The following STXBP6 variants were observed in gnomAD, a reference collection of about 807,000 sequenced individuals.
STXBP6 encodes syntaxin binding protein 6, also known as syntaxin-binding protein 6.
A neutral mutation model predicts 26.9 loss-of-function variants in STXBP6; 21 were observed. That is an observed-to-expected ratio of 0.78 (90% CI 0.55 to 1.12). STXBP6 has a LOEUF of 1.12. Ranked by LOEUF, STXBP6 falls within the 50% of genes most tolerant of loss-of-function variation. The pLI is 0.00. For missense variants in STXBP6, 232 were observed against 257.9 expected, an observed-to-expected ratio of 0.90 and a Z score of 0.69; for synonymous variants, 97 against 92.6, an observed-to-expected ratio of 1.05 and a Z score of -0.27.
At chr14:24,864,088 T>C (rs1239249147) in intron 2 of STXBP6, among the ~76,000 whole-genome samples, 2 of 152,120 alleles carry the variant, frequency 1.3e-5, no homozygotes, top group East Asian at 3.9e-4. Context: ...CAAAGTCTTA[T>C]TCTGTTCTTA....
rs577752762 is a variant in STXBP6, at chr14:25,006,524, T to C, written c.-32-31674A>G. On this transcript the variant is annotated intron_variant, in intron 1 of 5. Transcript: ENST00000323944. ...TCACATAAACATGGTTGATGCTTTA[T>C]TTGTGAAGGAAAGGGAAGAATCTGA... Among the ~76,000 whole-genome samples, 8 of 152,318 alleles carry C rather than the reference T, an allele frequency of 5.3e-5. No individual in the cohort carries two copies. In the South Asian group the frequency reaches 1.7e-3, roughly 32 times the overall value.
chr14:24,882,132 C>A (rs1279734370), intron 2 of STXBP6, among the ~76,000 whole-genome samples: 4 of 151,902 alleles, frequency 2.6e-5, no homozygotes, highest in Non-Finnish European at 4.4e-5. Flanking sequence ...GTAATCCCAG[C>A]ACTTTGGGAG....
intron 4 of STXBP6, among the ~76,000 whole-genome samples, chr14:24,840,087 G>A (rs1340121542): frequency 6.6e-6 from 1 of 152,190 alleles, no homozygotes; most frequent in Non-Finnish European, 1.5e-5. Flanking sequence ...CTGTATGGGA[G>A]AACTACTACT....
chr14:24,820,265 A>G (rs2068099124), intron 4 of STXBP6, among the ~76,000 whole-genome samples: 2 of 152,168 alleles, frequency 1.3e-5, no homozygotes, highest in Admixed American at 6.5e-5. Context: ...TTTAATAGAA[A>G]CGCAATTTCC....
chr14:25,023,644 T>C (rs896084008), intron 1 of STXBP6, among the ~76,000 whole-genome samples: 7 of 151,604 alleles, frequency 4.6e-5, no homozygotes, highest in Non-Finnish European at 5.9e-5. Context: ...CCCCGTTTCT[T>C]AAAAGAAAAA....
At chr14:24,981,313 C>G (rs976972401) in intron 1 of STXBP6, among the ~76,000 whole-genome samples, 7 of 151,984 alleles carry the variant, frequency 4.6e-5, no homozygotes, top group African/African-American at 1.4e-4. Flanking sequence ...CACTGTTGCC[C>G]AGGCTGGGGT....
At chr14:24,946,120 T>G (rs959599809) in intron 2 of STXBP6, among the ~76,000 whole-genome samples, 15 of 152,236 alleles carry the variant, frequency 9.9e-5, no homozygotes, top group Non-Finnish European at 1.3e-4. Context: ...TCAACAAGTC[T>G]TTGAGTCTAC....
At chr14:25,031,670 G>A (rs2075457504) in intron 1 of STXBP6, among the ~76,000 whole-genome samples, 1 of 151,478 alleles carries the variant, frequency 6.6e-6, no homozygotes, top group African/African-American at 2.4e-5. Flanking sequence ...ATAAAAATGA[G>A]TGGTAATAAA....
intron 2 of STXBP6, among the ~76,000 whole-genome samples, chr14:24,963,848 TTCTTATTGGTAATTGGTCCAA>T (rs1178845770): frequency 6.6e-6 from 1 of 152,096 alleles, no homozygotes; most frequent in East Asian, 1.9e-4. Context: ...AATGTGCATT[TTCTTATTGGTAATTGGTCCAA>T]TAGGTAGAAT....
At chr14:24,826,033 T>C (rs1252299304) in intron 4 of STXBP6, among the ~76,000 whole-genome samples, 2 of 152,220 alleles carry the variant, frequency 1.3e-5, no homozygotes, top group Non-Finnish European at 1.5e-5. Flanking sequence ...GATTTTGTTC[T>C]GTCTTGGGTT....
intron 1 of STXBP6, among the ~76,000 whole-genome samples, chr14:25,026,005 C>T (rs577019697): frequency 2.6e-5 from 4 of 152,294 alleles, no homozygotes; most frequent in South Asian, 2.1e-4. Context: ...CATTGTCTTC[C>T]GTGTATCTTT....
intron 2 of STXBP6, among the ~76,000 whole-genome samples, chr14:24,917,193 T>G (rs1229852911): frequency 6.6e-6 from 1 of 152,048 alleles, no homozygotes; most frequent in East Asian, 1.9e-4. Context: ...ATACCTAATG[T>G]TAACAACTCG....
chr14:24,878,696 A>G, intron 2 of STXBP6: 1 of 371,126 alleles, frequency 2.7e-6, no homozygotes, highest in Admixed American at 2.6e-5. Flanking sequence ...CTTTTCTTAA[A>G]CTGAATTTCT....
At chr14:24,971,134 C>A (rs1048063841) in intron 2 of STXBP6, among the ~76,000 whole-genome samples, 1 of 152,112 alleles carries the variant, frequency 6.6e-6, no homozygotes, top group East Asian at 1.9e-4. Context: ...GCACCTTTTT[C>A]GGATACCTCC....
chr14:24,913,098 T>G (rs865993166), intron 2 of STXBP6, among the ~76,000 whole-genome samples: 17 of 152,230 alleles, frequency 1.1e-4, no homozygotes, highest in Non-Finnish European at 2.1e-4. Flanking sequence ...ACTCATCAAA[T>G]GGTATGAAAC....
At chr14:24,853,131 G>A (rs1254676391) in intron 4 of STXBP6, among the ~76,000 whole-genome samples, 1 of 152,000 alleles carries the variant, frequency 6.6e-6, no homozygotes, top group Non-Finnish European at 1.5e-5. Context: ...AGAAACAATG[G>A]TATCTAGGAC....
intron 2 of STXBP6, among the ~76,000 whole-genome samples, chr14:24,932,185 G>A (rs997963718): frequency 9.9e-5 from 15 of 152,206 alleles, no homozygotes; most frequent in African/African-American, 3.6e-4. Context: ...AAGGCGGGCA[G>A]ATCACGAGGT....
intron 2 of STXBP6, among the ~76,000 whole-genome samples, chr14:24,905,642 C>T (rs778476736): frequency 2.0e-5 from 3 of 152,174 alleles, no homozygotes; most frequent in African/African-American, 4.8e-5. Flanking sequence ...TTAGTTGTCT[C>T]GATCCAGTTC....
intron 1 of STXBP6, among the ~76,000 whole-genome samples, chr14:25,044,382 A>G (rs1023779385): frequency 2.4e-4 from 36 of 152,024 alleles, no homozygotes; most frequent in African/African-American, 8.2e-4. Context: ...GAAGCTTCCA[A>G]TTTCTCCACA....
Sources: allele counts gnomAD v4.1 joint callset (sites outside exome capture counted in the v4.1 genomes callset), GRCh38; gene constraint gnomAD v4.1.1; transcripts MANE v1.5; gene names NCBI Gene and HGNC (gene_info 2026-07-23, HGNC 2026-07-21).